SLC22A16: variants seen among roughly 807,000 people sequenced by gnomAD.
The protein encoded by SLC22A16 is WUGSC:RG331P03.1.
In SLC22A16, 53 loss-of-function variants were observed where a neutral mutation model predicts 52.9. The ratio of observed to expected loss-of-function variants is 1.00; its 90% CI spans 0.80 to 1.26. The LOEUF (loss-of-function observed/expected upper bound fraction) is 1.26. Ranked by LOEUF, SLC22A16 falls within the 50% of genes most tolerant of loss-of-function variation. The pLI is 0.00. For synonymous variants in SLC22A16, 291 were observed against 268.8 expected (o/e 1.08, Z -0.81); for missense variants, 726 against 704.0 (o/e 1.03, Z -0.35).
chr6:110,472,160 A>G (rs916723), intron 1 of SLC22A16, among the ~76,000 whole-genome samples: 3,482 of 152,270 alleles, frequency 0.023, 142 homozygotes, highest in African/African-American at 0.08. Flanking sequence ...ACCATCACCC[A>G]CACAAACTAG....
intron 4 of SLC22A16, among the ~76,000 whole-genome samples, chr6:110,439,714 A>G (rs1041156053): frequency 6.6e-6 from 1 of 152,212 alleles, no homozygotes; most frequent in African/African-American, 2.4e-5. Context: ...CACAGCAATA[A>G]GCAGGAGTTA....
At chr6:110,452,192 A>AC (rs1349609188) in intron 2 of SLC22A16, among the ~76,000 whole-genome samples, 1 of 152,132 alleles carries the variant, frequency 6.6e-6, no homozygotes, top group Non-Finnish European at 1.5e-5. Context: ...GGCCTTCTTC[A>AC]CTTTTTGTTA....
Position 110,435,700 on chromosome 6 carries a change from C to T in SLC22A16, c.1421+152G>A, listed in dbSNP as rs372642430. ...CACTAATAGGGTACAAAGCCTCAGA[C>T]TCAAAATGAGTATCAGCATGTCATT... On this transcript the variant is annotated intron_variant, in intron 6 of 7. Transcript: ENST00000368919. 5.8e-4 allele frequency: 332 copies of T among 572,178 alleles called. 2 individuals are homozygous for T. The African/African-American group carries it at 5.9e-3, about 10-fold the overall frequency. 35.4% of individuals were successfully genotyped at this position (572,178 alleles called of 1,614,324 possible). A position where few individuals can be genotyped will look rare whatever the true frequency, so the allele number is the denominator to read the frequency against.
At chr6:110,471,795 A>T (rs77821847) in intron 1 of SLC22A16, among the ~76,000 whole-genome samples, 2,095 of 152,318 alleles carry the variant, frequency 0.014, 50 homozygotes, top group African/African-American at 0.049. Flanking sequence ...GCTGTAGATT[A>T]TGGTGGACAC....
chr6:110,476,253 C>G, intron 1 of SLC22A16: 5 of 1,019,530 alleles, frequency 4.9e-6, no homozygotes, highest in Admixed American at 3.3e-5. Context: ...GCGGAGAGCA[C>G]GCACCAGGTC....
At chr6:110,458,873 G>A (rs923957874) in intron 1 of SLC22A16, among the ~76,000 whole-genome samples, 7 of 152,162 alleles carry the variant, frequency 4.6e-5, no homozygotes, top group African/African-American at 1.7e-4. Context: ...CAGGCCTTCA[G>A]TCTGGGACTG....
Position 110,471,215 on chromosome 6 carries a change from G to T in SLC22A16, c.53+5307C>A, listed in dbSNP as rs566533181. 6.6e-5 allele frequency among the ~76,000 whole-genome samples: 10 copies of T among 152,274 alleles called. No homozygotes were observed. In the South Asian group the frequency reaches 2.1e-3, roughly 32 times the overall value. On this transcript the variant is annotated intron_variant, in intron 1 of 7. Coordinates refer to ENST00000368919, the MANE Select transcript of SLC22A16 (RefSeq NM_033125.4). ...TAGGTACACAAATACTTCCCATTGTGTTACAATTGCCTACAGTATTCAGTA... is the reference window on the plus strand; with the variant it reads ...TAGGTACACAAATACTTCCCATTGTTTTACAATTGCCTACAGTATTCAGTA...
At chr6:110,458,256 CTT>C (rs1158199858) in intron 1 of SLC22A16, among the ~76,000 whole-genome samples, 1 of 152,232 alleles carries the variant, frequency 6.6e-6, no homozygotes, top group Admixed American at 6.5e-5. Context: ...GGCTCACACT[CTT>C]TACCCTGCCC....
chr6:110,470,859 GC>G (rs1214065397), intron 1 of SLC22A16, among the ~76,000 whole-genome samples: 1 of 152,164 alleles, frequency 6.6e-6, no homozygotes, highest in Non-Finnish European at 1.5e-5. Context: ...TGAAAACATT[GC>G]CCCAGGATAT....
intron 4 of SLC22A16, among the ~76,000 whole-genome samples, chr6:110,440,920 A>G (rs1163823430): frequency 6.6e-6 from 1 of 152,264 alleles, no homozygotes; most frequent in Admixed American, 6.5e-5. Context: ...GAAGAATAAG[A>G]TATCAGTTTG....
chr6:110,466,639 A>G (rs1169543631), intron 1 of SLC22A16, among the ~76,000 whole-genome samples: 2 of 152,128 alleles, frequency 1.3e-5, no homozygotes, highest in African/African-American at 4.8e-5. Context: ...TATTAGTGAG[A>G]CTGTGGAGAA....
At chr6:110,460,552 C>T (rs1775830329) in intron 1 of SLC22A16, among the ~76,000 whole-genome samples, 1 of 152,060 alleles carries the variant, frequency 6.6e-6, no homozygotes, top group Admixed American at 6.5e-5. Context: ...AGCCCCTCTG[C>T]CTTCGTGACC....
chr6:110,471,578 T>C (rs1338211530), intron 1 of SLC22A16, among the ~76,000 whole-genome samples: 4 of 152,178 alleles, frequency 2.6e-5, no homozygotes, highest in African/African-American at 9.7e-5. Flanking sequence ...ACACACAATA[T>C]GGGTGGATCT....
intron 1 of SLC22A16, among the ~76,000 whole-genome samples, chr6:110,464,059 T>C (rs1206153816): frequency 6.6e-6 from 1 of 151,758 alleles, no homozygotes; most frequent in Admixed American, 6.6e-5. Flanking sequence ...GGGTAAACCA[T>C]AAAATCAAGG....
intron 1 of SLC22A16, 143 bp from the exon 2 acceptor site, chr6:110,457,160 C>A: frequency 1.2e-6 from 1 of 825,630 alleles, no homozygotes; most frequent in East Asian, 2.8e-5. Flanking sequence ...ATATTTATAT[C>A]TGTGGGTTAG....
intron 7 of SLC22A16, among the ~76,000 whole-genome samples, chr6:110,430,141 TG>T (rs1241091941): frequency 2.6e-5 from 4 of 151,884 alleles, no homozygotes; most frequent in Non-Finnish European, 5.9e-5. Flanking sequence ...AGGAGAAGAC[TG>T]GGAGGCACTG....
At chr6:110,434,569 G>C (rs755528459) in intron 6 of SLC22A16, among the ~76,000 whole-genome samples, 1 of 142,290 alleles carries the variant, frequency 7.0e-6, no homozygotes, top group Non-Finnish European at 1.5e-5. Context: ...TAAAAGCTTG[G>C]AAGTCCCTGA....
intron 2 of SLC22A16, among the ~76,000 whole-genome samples, chr6:110,450,480 C>G (rs991767515): frequency 6.6e-6 from 1 of 152,068 alleles, no homozygotes; most frequent in South Asian, 2.1e-4. Context: ...GGCATGGCGG[C>G]ACATGCCTGT....
At position 110,462,984 on chromosome 6, in the gene SLC22A16, GA is replaced by G. The variant is rs35732132; in HGVS notation, c.54-5968del. On this transcript the variant is annotated intron_variant, in intron 1 of 7. Transcript: ENST00000368919. ...GGGCCTATTTATAGCCTTCTTAAAG[GA>G]AAAAAAAAAGCCTCCCAAGAATTTT... Among the ~76,000 whole-genome samples, 34 of 144,862 alleles carry G rather than the reference GA, an allele frequency of 2.3e-4. No individual in the cohort carries two copies. In the East Asian group the frequency reaches 3.6e-3, roughly 15 times the overall value.
Sources: allele counts gnomAD v4.1 joint callset (sites outside exome capture counted in the v4.1 genomes callset), GRCh38; gene constraint gnomAD v4.1.1; transcripts MANE v1.5; gene names NCBI Gene and HGNC (gene_info 2026-07-23, HGNC 2026-07-21).